Variants in SH3KBP1 observed in about 807,000 individuals in gnomAD.
The protein encoded by SH3KBP1 is SH3 domain-containing kinase-binding protein 1.
In SH3KBP1, 8 loss-of-function variants were observed where a neutral mutation model predicts 50.1. The ratio of observed to expected loss-of-function variants is 0.16; its 90% CI spans 0.09 to 0.29. The LOEUF (loss-of-function observed/expected upper bound fraction) is 0.29. Among genes scored for constraint, SH3KBP1 ranks in the 10% least tolerant of loss-of-function variants. The probability of loss-of-function intolerance (pLI) is 1.00; values close to 1 mark genes in which losing one functional copy is unlikely to be tolerated. For missense variants in SH3KBP1, 377 were observed against 535.2 expected, an observed-to-expected ratio of 0.70 and a Z score of 2.92; for synonymous variants, 227 against 218.6, an observed-to-expected ratio of 1.04 and a Z score of -0.34.
intron 7 of SH3KBP1, among the ~76,000 whole-genome samples, chrX:19,635,590 C>T (rs770421433): frequency 4.6e-5 from 5 of 109,526 alleles, no homozygotes; most frequent in African/African-American, 1.7e-4. Flanking sequence ...GTATCAGTGG[C>T]TTTAAGACAC....
intron 4 of SH3KBP1, among the ~76,000 whole-genome samples, chrX:19,699,479 G>C (rs1239218948): frequency 1.8e-5 from 2 of 111,736 alleles, no homozygotes; most frequent in Admixed American, 9.5e-5. Context: ...GTCAGCTCTG[G>C]AGCCCTTTGA....
intron 2 of SH3KBP1, among the ~76,000 whole-genome samples, chrX:19,829,912 C>T (rs1402002239): frequency 2.7e-5 from 3 of 110,551 alleles, no homozygotes; most frequent in Non-Finnish European, 5.7e-5. Context: ...CCCGGAACTG[C>T]GAGTTCCTCC....
At chrX:19,695,983 T>G (rs1253023850) in intron 4 of SH3KBP1, among the ~76,000 whole-genome samples, 1 of 112,049 alleles carries the variant, frequency 8.9e-6, no homozygotes, top group East Asian at 2.8e-4. Flanking sequence ...TTCATTTTCA[T>G]TAGCCTCTAA....
intron 3 of SH3KBP1, among the ~76,000 whole-genome samples, chrX:19,715,334 T>C (rs2063884514): frequency 9.5e-6 from 1 of 105,687 alleles, no homozygotes; most frequent in Non-Finnish European, 1.9e-5. Context: ...AAAAAGAGTA[T>C]GTGTGGAGAT....
Position 19,534,613 on chromosome X carries a change from T to C in SH3KBP1, c.*1804A>G, listed in dbSNP as rs1358550419. 1.5e-5 allele frequency: 4 copies of C among 273,370 alleles called. No individual in the cohort carries two copies. Among genetic ancestry groups the C allele is most frequent in the Non-Finnish European group, 2.6e-5 (4 of 156,097 alleles). The allele number at this position is 273,370 out of a possible 1,213,427, so 22.5% of individuals were successfully genotyped here. A position where few individuals can be genotyped will look rare whatever the true frequency, so the allele number is the denominator to read the frequency against. ...GGTACAGGGATGTTTTACGCTGCTC[T>C]TGGGAACCTGGCACTCCTGACCCCA... is the stretch of plus-strand genomic sequence containing the variant. On this transcript the variant is annotated 3_prime_UTR_variant, in exon 18 of 18. Transcript: ENST00000397821.
At chrX:19,694,315 C>T (rs1392102558) in intron 5 of SH3KBP1, among the ~76,000 whole-genome samples, 1 of 111,641 alleles carries the variant, frequency 9.0e-6, no homozygotes, top group Admixed American at 9.5e-5. Flanking sequence ...AGAATTCTAA[C>T]ACGGATTTTG....
At chrX:19,584,228 A>G (rs1057273471) in intron 12 of SH3KBP1, among the ~76,000 whole-genome samples, 1 of 91,603 alleles carries the variant, frequency 1.1e-5, no homozygotes, top group African/African-American at 4.1e-5. Flanking sequence ...ATATTTATAA[A>G]TATATATAAA....
Position 19,843,357 on chromosome X carries a change from G to A in SH3KBP1, c.5-7075C>T, listed in dbSNP as rs755905593. Among the ~76,000 whole-genome samples the A allele has an allele frequency of 1.8e-4, 20 of 110,232 alleles. No homozygotes were observed. The South Asian group carries it at 7.4e-3, about 41-fold the overall frequency. ...TACATACACACAGACTCTTCTCTAT[G>A]CAAGTCTGCACAAGGCCAAGTTCTT... On this transcript the variant is annotated intron_variant, in intron 1 of 17. Transcript: ENST00000397821.
At chrX:19,749,654 G>A (rs1473044102) in intron 2 of SH3KBP1, among the ~76,000 whole-genome samples, 1 of 112,607 alleles carries the variant, frequency 8.9e-6, no homozygotes, top group Non-Finnish European at 1.9e-5. Context: ...TACCTGAAAG[G>A]TTGGGAGAGG....
chrX:19,540,376 A>T (rs1005185564), intron 16 of SH3KBP1, among the ~76,000 whole-genome samples: 9 of 111,246 alleles, frequency 8.1e-5, no homozygotes, highest in Admixed American at 2.9e-4. Flanking sequence ...AGCGAATTCC[A>T]TGGAACCCTC....
intron 3 of SH3KBP1, among the ~76,000 whole-genome samples, chrX:19,716,092 T>C (rs757247935): frequency 8.0e-5 from 9 of 112,144 alleles, no homozygotes; most frequent in Non-Finnish European, 1.5e-4. Context: ...TTCACACATT[T>C]TTTACTTGGG....
intron 1 of SH3KBP1, among the ~76,000 whole-genome samples, chrX:19,856,847 T>A (rs1204728672): frequency 9.2e-6 from 1 of 108,117 alleles, no homozygotes; most frequent in Non-Finnish European, 1.9e-5. Context: ...AGTATTTACA[T>A]CCTTATGACT....
At chrX:19,876,219 G>C (rs1359142397) in intron 1 of SH3KBP1, among the ~76,000 whole-genome samples, 3 of 111,339 alleles carry the variant, frequency 2.7e-5, no homozygotes, top group Non-Finnish European at 5.7e-5. Context: ...AAATTAGCTG[G>C]GCATAGTGGC....
chrX:19,584,423 G>A (rs2066495533), intron 12 of SH3KBP1, among the ~76,000 whole-genome samples: 1 of 106,238 alleles, frequency 9.4e-6, no homozygotes, highest in African/African-American at 3.4e-5. Context: ...TCAACCTCCT[G>A]GGTTTAAGCA....
At chrX:19,714,758 T>C in intron 3 of SH3KBP1, among the ~76,000 whole-genome samples, 1 of 112,549 alleles carries the variant, frequency 8.9e-6, no homozygotes, top group South Asian at 3.6e-4. Flanking sequence ...GTATGATCTC[T>C]AATTGAATTC....
chrX:19,881,264 A>G (rs1003428419), intron 1 of SH3KBP1, among the ~76,000 whole-genome samples: 1 of 112,022 alleles, frequency 8.9e-6, no homozygotes, highest in Non-Finnish European at 1.9e-5. Context: ...GGGTAGACAC[A>G]TAGGGTCAAT....
At chrX:19,806,492 G>A (rs1304082394) in intron 2 of SH3KBP1, among the ~76,000 whole-genome samples, 2 of 111,115 alleles carry the variant, frequency 1.8e-5, no homozygotes, top group African/African-American at 3.3e-5. Flanking sequence ...CTCCAGCCTG[G>A]GCGACACAGC....
At chrX:19,790,073 T>C (rs1453658989) in intron 2 of SH3KBP1, among the ~76,000 whole-genome samples, 1 of 101,126 alleles carries the variant, frequency 9.9e-6, no homozygotes, top group Non-Finnish European at 2.0e-5. Context: ...CAAACCTACA[T>C]GGATTTTAGC....
intron 2 of SH3KBP1, among the ~76,000 whole-genome samples, chrX:19,822,471 CTTGT>C (rs765111859): frequency 8.9e-6 from 1 of 112,066 alleles, no homozygotes; most frequent in East Asian, 2.8e-4. Context: ...AGCTTTTTAA[CTTGT>C]TTATTTTTTG....
Sources: allele counts gnomAD v4.1 joint callset (sites outside exome capture counted in the v4.1 genomes callset), GRCh38; gene constraint gnomAD v4.1.1; transcripts MANE v1.5; gene names NCBI Gene and HGNC (gene_info 2026-07-23, HGNC 2026-07-21).